Variants in CENPE observed in about 807,000 individuals in gnomAD.
CENPE encodes centromere protein E, also known as centromere-associated protein E.
CENPE carries 145 observed loss-of-function variants against 336.1 expected under a neutral mutation model. That is an observed-to-expected ratio of 0.43 (90% CI 0.38 to 0.50). The LOEUF is 0.50. Ranked by LOEUF, CENPE falls within the 20% of genes least tolerant of loss-of-function variation. CENPE has a pLI of 0.00. For missense variants in CENPE, 2,719 were observed against 3,023.3 expected (o/e 0.90, Z 2.36); for synonymous variants, 1,013 against 984.8 (o/e 1.03, Z -0.54).
chr4:103,180,609 A>G (rs549271209), intron 12 of CENPE, 140 bp from the exon 13 acceptor site: 14 of 545,012 alleles, frequency 2.6e-5, no homozygotes, highest in African/African-American at 1.3e-4. Context: ...ATATACTCTA[A>G]CTGTAGAACA....
At chr4:103,175,049 G>GATTTCAAAAT in intron 15 of CENPE, 146 bp from the exon 16 acceptor site, 1 of 492,250 alleles carries the variant, frequency 2.0e-6, no homozygotes, top group South Asian at 3.6e-5. Flanking sequence ...AGCTAACTTA[G>GATTTCAAAAT]AATAGATTAT....
At chr4:103,136,386 T>G in intron 39 of CENPE, 27 bp from the exon 40 acceptor site, 1 of 1,471,622 alleles carries the variant, frequency 6.8e-7, no homozygotes, top group South Asian at 1.2e-5. Context: ...TTCACTCAAT[T>G]TATAACAATT....
In CENPE at chr4:103,110,976, T is replaced by C. The variant is rs1749364606; in HGVS notation, c.7576A>G (p.Lys2526Glu). 6.2e-7 allele frequency: 1 copy of C among 1,608,346 alleles called. No individual in the cohort carries two copies. Residue 2526 changes from lysine to glutamate, a missense_variant, in exon 47 of 49, where the codon AAA becomes GAA. Coordinates refer to ENST00000265148, the MANE Select transcript of CENPE (RefSeq NM_001813.3). ...CTGCCACCTCCACAAGTTAAGGGTTTATTTGAAGGCTGAGGATCAGTATGT... is the reference window on the plus strand; with the variant it reads ...CTGCCACCTCCACAAGTTAAGGGTTCATTTGAAGGCTGAGGATCAGTATGT... Reference protein sequence around the residue: ...SEHTDPQPSNKPLTCGGGSGI... With the variant: ...SEHTDPQPSNEPLTCGGGSGI...
rs748291465 is a variant in CENPE at position 103,138,419 on chromosome 4, T to C, written c.6235A>G (p.Lys2079Glu). Reference protein sequence around the residue: ...DRQNHQVKPEKRLLSDGQQHL... With the variant: ...DRQNHQVKPEERLLSDGQQHL... ...TGTTGTCCATCACTTAGTAACCTTT[T>C]TTCAGGTTTTACTTGGTGGTTCTGT... Residue 2079 changes from lysine to glutamate, a missense_variant, in exon 39 of 49, where the codon AAA (lysine) becomes GAA (glutamate). Physicochemically the swap from Lys to Glu is moderately conservative, Grantham distance 56 (BLOSUM62 1). Coordinates refer to ENST00000265148, the MANE Select transcript of CENPE (RefSeq NM_001813.3). 1.2e-5 allele frequency: 20 copies of C among 1,613,682 alleles called. No individual in the cohort carries two copies. In the Admixed American group the frequency reaches 1.3e-4, roughly 11 times the overall value.
rs1007820809 is a variant in CENPE, at chr4:103,110,775, C to A, written c.7724+53G>T. The stretch of plus-strand genomic sequence containing the variant: ...AATACGTGCATATACCATGTCCCTA[C>A]ATATATGTAATAGCCGTAAGCATAA... On this transcript the variant is annotated intron_variant, in intron 47 of 48. Coordinates refer to ENST00000265148, the MANE Select transcript of CENPE (RefSeq NM_001813.3). 4 of 1,391,408 alleles carry A rather than the reference C, an allele frequency of 2.9e-6. No homozygotes were observed. The South Asian group carries it at 5.9e-5, about 21-fold the overall frequency. The allele number at this position is 1,391,408 out of a possible 1,614,324, so 86.2% of individuals were successfully genotyped here. A position where few individuals can be genotyped will look rare whatever the true frequency, so the allele number is the denominator to read the frequency against.
rs188043011 is a variant in CENPE, at chr4:103,195,818, A to C, written c.357+102T>G. ...CATGGATAATCAAACAATAACTGTA[A>C]ATCTACTTCCTTTCATCTTTACAAG... On this transcript the variant is annotated intron_variant, in intron 4 of 48. Coordinates refer to ENST00000265148, the MANE Select transcript of CENPE (RefSeq NM_001813.3). 1.5e-4 allele frequency: 112 copies of C among 762,406 alleles called. No homozygotes were observed. The African/African-American group carries it at 1.8e-3, about 12-fold the overall frequency. 47.2% of individuals were successfully genotyped at this position (762,406 alleles called of 1,614,324 possible). A position where few individuals can be genotyped will look rare whatever the true frequency, so the allele number is the denominator to read the frequency against.
chr4:103,175,814 G>A, intron 15 of CENPE, 146 bp downstream of exon 15: 2 of 493,384 alleles, frequency 4.1e-6, no homozygotes, highest in Non-Finnish European at 7.1e-6. Flanking sequence ...GTGCCTGATG[G>A]TTATAGAGTA....
chr4:103,172,098 T>G (rs1188916026), intron 16 of CENPE, among the ~76,000 whole-genome samples: 1 of 151,942 alleles, frequency 6.6e-6, no homozygotes, highest in African/African-American at 2.4e-5. Flanking sequence ...GAGGAAGGAA[T>G]TTTTCCTAAC....
intron 29 of CENPE, 109 bp downstream of exon 29, chr4:103,147,247 A>T: frequency 1.0e-6 from 1 of 992,586 alleles, no homozygotes; most frequent in African/African-American, 1.6e-5. Context: ...AAGAGACATT[A>T]AAAAAACTGG....
chr4:103,146,127 A>C lies in CENPE; in HGVS notation c.4135-20T>G, dbSNP rs767277283. 4.4e-6 allele frequency: 7 copies of C among 1,598,904 alleles called. No individual in the cohort carries two copies. The East Asian group carries it at 1.1e-4, about 26-fold the overall frequency. ...CTGGATCTTAAGAGAATCATAAAAC[A>C]GTACAGTTGATATCCAGAGATATTG... On this transcript the variant is annotated intron_variant, in intron 29 of 48. Coordinates refer to ENST00000265148, the MANE Select transcript of CENPE (RefSeq NM_001813.3).
In CENPE at chr4:103,143,605, AC is replaced by A. The variant is rs147722426; in HGVS notation, c.5146-200del. On this transcript the variant is annotated intron_variant, in intron 33 of 48. Coordinates refer to ENST00000265148, the MANE Select transcript of CENPE (RefSeq NM_001813.3). The stretch of plus-strand genomic sequence containing the variant: ...ACCCTGTTCCCTAACAGGACACTTC[AC>A]CCTTCAAATCAGCACTATAGCTCTA... Among the ~76,000 whole-genome samples the A allele has an allele frequency of 0.16, 24,291 of 152,028 alleles. 2,319 individuals are homozygous for A. The highest frequency in any genetic ancestry group is 0.2 in the Non-Finnish European group (13,765 of 67,956).
At chr4:103,114,355 T>C in intron 46 of CENPE, 100 bp downstream of exon 46, 1 of 660,658 alleles carries the variant, frequency 1.5e-6, no homozygotes, top group Non-Finnish European at 2.6e-6. Flanking sequence ...CAACTTCTGT[T>C]TACTCTCGAC....
At chr4:103,196,374 T>C in intron 2 of CENPE, 122 bp from the exon 3 acceptor site, 3 of 762,966 alleles carry the variant, frequency 3.9e-6, no homozygotes, top group Non-Finnish European at 6.4e-6. Context: ...TGATCAACTA[T>C]TTAAGACACA....
At chr4:103,166,650 G>A (rs1426773990) in intron 16 of CENPE, among the ~76,000 whole-genome samples, 2 of 152,062 alleles carry the variant, frequency 1.3e-5, no homozygotes, top group African/African-American at 2.4e-5. Flanking sequence ...CAATGATATC[G>A]AGGAAAAAGG....
chr4:103,115,939 G>T (rs1429316965), intron 45 of CENPE, among the ~76,000 whole-genome samples: 1 of 151,952 alleles, frequency 6.6e-6, no homozygotes. Flanking sequence ...CACCGTGTTA[G>T]CCAGGATGGT....
chr4:103,139,624 C>T lies in CENPE; in HGVS notation c.6204+165G>A, dbSNP rs2866633. ...TTATTTTCTGAAAATATTTTTGCTT[C>T]TTTTAAAACTGTTTTCTATTGTGTA... On this transcript the variant is annotated intron_variant, in intron 38 of 48. Transcript: ENST00000265148. Among the ~76,000 whole-genome samples the T allele has an allele frequency of 0.17, 25,788 of 152,028 alleles. 2,313 individuals carry two copies. The highest frequency in any genetic ancestry group is 0.31 in the South Asian group (1,486 of 4,814).
At chr4:103,122,740 T>C in intron 43 of CENPE, 131 bp downstream of exon 43, 4 of 647,496 alleles carry the variant, frequency 6.2e-6, no homozygotes, top group Non-Finnish European at 1.1e-5. Flanking sequence ...GTAGAACTAC[T>C]AGTAAAAATC....
At chr4:103,150,324 G>A (rs934623935) in intron 26 of CENPE, among the ~76,000 whole-genome samples, 1 of 152,204 alleles carries the variant, frequency 6.6e-6, no homozygotes, top group African/African-American at 2.4e-5. Flanking sequence ...GCTCACACCT[G>A]TAATCCTAGC....
chr4:103,198,329 C>A lies in CENPE; in HGVS notation c.-10G>T. The stretch of plus-strand genomic sequence containing the variant: ...CTCCTTCCTCCGCCATCCTATCAGG[C>A]TGAACTGGTCCCAGGAAAATGGCCA... On this transcript the variant is annotated 5_prime_UTR_variant, in exon 1 of 49. Transcript: ENST00000265148. The A allele has an allele frequency of 6.4e-7, 1 of 1,551,318 alleles. No individual in the cohort carries two copies. Among genetic ancestry groups the A allele is most frequent in the Non-Finnish European group, 8.7e-7 (1 of 1,146,852 alleles).
Sources: gnomAD v4.1 joint callset for allele counts (sites outside exome capture counted in the v4.1 genomes callset) on GRCh38, gnomAD v4.1.1 for gene constraint, MANE v1.5 for transcripts, NCBI Gene and HGNC (gene_info 2026-07-23, HGNC 2026-07-21) for gene names.